MOV10L1: variants seen among roughly 807,000 people sequenced by gnomAD.
MOV10L1 encodes Mov10 like RNA helicase 1.
Under a neutral mutation model 143.8 loss-of-function variants are expected in MOV10L1, and 110 were observed. The observed-to-expected ratio is 0.76, with a 90% confidence interval of 0.66 to 0.90. MOV10L1 has a LOEUF of 0.90. MOV10L1 is among the 40% of genes least tolerant of loss of function. The pLI, the probability that MOV10L1 is intolerant of heterozygous loss-of-function variation, is 0.00. For synonymous variants in MOV10L1, 593 were observed against 581.1 expected (o/e 1.02, Z -0.29); for missense variants, 1,406 against 1,526.8 (o/e 0.92, Z 1.32).
intron 5 of MOV10L1, among the ~76,000 whole-genome samples, chr22:50,109,283 A>G (rs4838802): frequency 0.2 from 30,243 of 152,096 alleles, 3,285 homozygotes; most frequent in Admixed American, 0.33. Flanking sequence ...CTAGCACTTC[A>G]GGAGGCCGTG....
Position 50,153,131 on chromosome 22 carries a change from CTG to C in MOV10L1, c.2982_2983del (p.Ala995GlyfsTer16). On this transcript the variant is annotated frameshift_variant, in exon 22 of 27. Coordinates refer to ENST00000262794, the MANE Select transcript of MOV10L1 (RefSeq NM_018995.3). LOFTEE classifies it high-confidence loss of function. ...RLFYHRELEV[C>X]ADPTVVTSLL... is the part of the protein sequence containing the mutation. ...TGTTCTACCACAGGGAACTCGAGGT[CTG>C]TGCGGACCCCACAGTGGTGACCTCC... is the stretch of plus-strand genomic sequence containing the variant. The C allele has an allele frequency of 6.2e-7, 1 of 1,614,102 alleles. No individual in the cohort carries two copies. The highest frequency in any genetic ancestry group is 8.5e-7 in the Non-Finnish European group (1 of 1,179,940).
chr22:50,147,717 A>T (rs2063190498), intron 19 of MOV10L1, among the ~76,000 whole-genome samples: 1 of 152,270 alleles, frequency 6.6e-6, no homozygotes, highest in African/African-American at 2.4e-5. Context: ...GGCAAAAGTG[A>T]CATTAAATAA....
intron 3 of MOV10L1, among the ~76,000 whole-genome samples, chr22:50,103,920 A>G (rs2147076865): frequency 6.6e-6 from 1 of 152,260 alleles, no homozygotes; most frequent in South Asian, 2.1e-4. Context: ...TTTATTGTGC[A>G]CTTTATTTCT....
At chr22:50,115,983 C>T (rs1256480155) in intron 8 of MOV10L1, among the ~76,000 whole-genome samples, 5 of 152,354 alleles carry the variant, frequency 3.3e-5, no homozygotes, top group South Asian at 2.1e-4. Context: ...TGGTTGGTTA[C>T]ATCAGCTGAC....
At chr22:50,145,662 A>C (rs768484435) in intron 18 of MOV10L1, 27 bp from the exon 19 acceptor site, 1 of 1,612,442 alleles carries the variant, frequency 6.2e-7, no homozygotes, top group Non-Finnish European at 8.5e-7. Flanking sequence ...GGAGGAGTAA[A>C]CTAACTCTAC....
At chr22:50,160,606 A>T in intron 24 of MOV10L1, 82 bp from the exon 25 acceptor site, 4 of 1,488,344 alleles carry the variant, frequency 2.7e-6, no homozygotes, top group Non-Finnish European at 3.6e-6. Context: ...ACATTTTTAA[A>T]TGTTTTTATA....
intron 6 of MOV10L1, 49 bp downstream of exon 6, chr22:50,113,837 T>C: frequency 6.8e-7 from 1 of 1,479,424 alleles, no homozygotes; most frequent in East Asian, 2.4e-5. Context: ...TAATGGCTTT[T>C]ACACTATGAC....
At chr22:50,148,767 CA>C (rs1395429165) in intron 19 of MOV10L1, among the ~76,000 whole-genome samples, 1 of 151,920 alleles carries the variant, frequency 6.6e-6, no homozygotes, top group African/African-American at 2.4e-5. Flanking sequence ...AGGTTCACGC[CA>C]TTCTCCTGCC....
chr22:50,125,587 A>G lies in MOV10L1; in HGVS notation c.1747+18A>G, dbSNP rs2062476666. On this transcript the variant is annotated intron_variant, in intron 11 of 26. Transcript: ENST00000262794. ...CTACGCAGGTGTGTTTGTTACTCAT[A>G]TGCTTCCCTGGGTGGACTAGCAGAG... 1.2e-6 allele frequency: 2 copies of G among 1,611,396 alleles called. No individual in the cohort carries two copies. Among genetic ancestry groups the G allele is most frequent in the Non-Finnish European group, 8.5e-7 (1 of 1,178,424 alleles).
chr22:50,112,302 C>T (rs544862568), intron 5 of MOV10L1, among the ~76,000 whole-genome samples: 35 of 152,330 alleles, frequency 2.3e-4, no homozygotes, highest in African/African-American at 7.5e-4. Flanking sequence ...CAGCCCAGTC[C>T]GCTGAGCCTG....
chr22:50,120,820 G>C (rs1376323334), intron 10 of MOV10L1, among the ~76,000 whole-genome samples: 1 of 152,230 alleles, frequency 6.6e-6, no homozygotes, highest in East Asian at 1.9e-4. Flanking sequence ...TACACCAGGG[G>C]CTGGCATCCC....
intron 18 of MOV10L1, among the ~76,000 whole-genome samples, chr22:50,144,667 C>T (rs978482190): frequency 7.9e-5 from 12 of 151,890 alleles, no homozygotes; most frequent in African/African-American, 2.4e-4. Flanking sequence ...CTGCAAGCTC[C>T]GCCTCCCAGG....
At chr22:50,135,478 C>T (rs1194509813) in intron 15 of MOV10L1, among the ~76,000 whole-genome samples, 1 of 151,884 alleles carries the variant, frequency 6.6e-6, no homozygotes, top group Non-Finnish European at 1.5e-5. Flanking sequence ...CTAGGCCGGT[C>T]GCAGTGGCTC....
intron 18 of MOV10L1, among the ~76,000 whole-genome samples, chr22:50,144,932 G>A (rs112256184): frequency 0.056 from 8,535 of 151,718 alleles, 296 homozygotes; most frequent in African/African-American, 0.087. Flanking sequence ...ATAGAGCGAA[G>A]TATTGCTTTT....
At chr22:50,157,951 C>T in intron 22 of MOV10L1, 106 bp from the exon 23 acceptor site, 11 of 1,315,806 alleles carry the variant, frequency 8.4e-6, no homozygotes, top group Non-Finnish European at 1.2e-5. Context: ...GGGATTTATT[C>T]TGTCATATTC....
chr22:50,115,028 G>C, intron 7 of MOV10L1, 86 bp from the exon 8 acceptor site: 1 of 1,378,088 alleles, frequency 7.3e-7, no homozygotes, highest in Non-Finnish European at 9.9e-7. Flanking sequence ...GTGTGTGAGA[G>C]AGTATTCATT....
At chr22:50,142,013 C>G in intron 15 of MOV10L1, 68 bp from the exon 16 acceptor site, 1 of 1,315,936 alleles carries the variant, frequency 7.6e-7, no homozygotes, top group Non-Finnish European at 1.1e-6. Context: ...TTTACGTTTG[C>G]TCTTTCAACC....
chr22:50,100,475 A>G (rs2061716416), intron 3 of MOV10L1, among the ~76,000 whole-genome samples: 1 of 152,104 alleles, frequency 6.6e-6, no homozygotes, highest in Admixed American at 6.6e-5. Flanking sequence ...TGGGGATGAC[A>G]TTGTACGTTT....
intron 17 of MOV10L1, among the ~76,000 whole-genome samples, chr22:50,143,490 AT>A (rs1346261867): frequency 6.6e-6 from 1 of 152,264 alleles, no homozygotes; most frequent in African/African-American, 2.4e-5. Context: ...AGTTACTCTT[AT>A]AGTAGCTACA....
Sources: gnomAD v4.1 joint callset for allele counts (sites outside exome capture counted in the v4.1 genomes callset) on GRCh38, gnomAD v4.1.1 for gene constraint, MANE v1.5 for transcripts, NCBI Gene and HGNC (gene_info 2026-07-23, HGNC 2026-07-21) for gene names.